NPSR1: variants seen among roughly 807,000 people sequenced by gnomAD.
NPSR1 encodes neuropeptide S receptor 1.
Under a neutral mutation model 46.9 loss-of-function variants are expected in NPSR1, and 48 were observed. The observed-to-expected ratio is 1.02, with a 90% CI of 0.81 to 1.30. NPSR1 has a LOEUF of 1.30. Among genes scored for constraint, NPSR1 ranks in the 50% most tolerant of loss-of-function variants. NPSR1 has a pLI of 0.00. For missense variants in NPSR1, 450 were observed against 449.5 expected (o/e 1.00, Z -0.01); for synonymous variants, 176 against 168.1 (o/e 1.05, Z -0.36).
chr7:34,750,891 A>C, intron 2 of NPSR1: 2 of 714,228 alleles, frequency 2.8e-6, no homozygotes, highest in Non-Finnish European at 5.3e-6. Flanking sequence ...CTGCTTCATA[A>C]TGGTGTGAAA....
At chr7:34,812,264 T>C (rs1359323155) in intron 4 of NPSR1, among the ~76,000 whole-genome samples, 4 of 152,190 alleles carry the variant, frequency 2.6e-5, no homozygotes, top group Non-Finnish European at 5.9e-5. Flanking sequence ...AAACACCTTG[T>C]TCTCCTTATC....
At chr7:34,814,539 T>C (rs1159888046) in intron 4 of NPSR1, among the ~76,000 whole-genome samples, 1 of 152,320 alleles carries the variant, frequency 6.6e-6, no homozygotes, top group Non-Finnish European at 1.5e-5. Flanking sequence ...AAGAGCACAG[T>C]GGTTCTTCCA....
At chr7:34,778,866 T>C (rs1187190550) in intron 3 of NPSR1, among the ~76,000 whole-genome samples, 3 of 152,102 alleles carry the variant, frequency 2.0e-5, no homozygotes. Context: ...TTGTGGATAA[T>C]CTCCAAAAAG....
At chr7:34,790,531 CAAGAAAAA>C (rs1419368489) in intron 3 of NPSR1, among the ~76,000 whole-genome samples, 3 of 147,792 alleles carry the variant, frequency 2.0e-5, no homozygotes, top group African/African-American at 7.5e-5. Flanking sequence ...AGAAGTAAGG[CAAGAAAAA>C]AAGAAAAGAA....
intron 2 of NPSR1, among the ~76,000 whole-genome samples, chr7:34,776,742 G>C (rs886410763): frequency 3.9e-5 from 6 of 152,140 alleles, no homozygotes; most frequent in African/African-American, 1.4e-4. Flanking sequence ...ATTGCTGCTG[G>C]TTATTCTGAG....
chr7:34,751,361 G>A (rs1583944977), intron 2 of NPSR1: 3 of 1,033,964 alleles, frequency 2.9e-6, no homozygotes, highest in East Asian at 4.8e-5. Flanking sequence ...GCTGCAGAGA[G>A]GTCTGGGTTG....
At chr7:34,767,736 A>C (rs560912008) in intron 2 of NPSR1, among the ~76,000 whole-genome samples, 1 of 152,304 alleles carries the variant, frequency 6.6e-6, no homozygotes, top group South Asian at 2.1e-4. Flanking sequence ...AAAAATAATG[A>C]AAGCATCAAA....
intron 2 of NPSR1, among the ~76,000 whole-genome samples, chr7:34,720,250 C>T (rs560688291): frequency 1.1e-4 from 17 of 150,120 alleles, no homozygotes; most frequent in South Asian, 1.1e-3. Flanking sequence ...ACTACACTCC[C>T]GCCTGGGCAA....
At chr7:34,838,853 T>A (rs1790471362) in intron 6 of NPSR1, among the ~76,000 whole-genome samples, 2 of 152,366 alleles carry the variant, frequency 1.3e-5, no homozygotes, top group South Asian at 4.1e-4. Flanking sequence ...CAGGAGGATT[T>A]ACTTGTACAA....
chr7:34,694,130 G>C (rs950574608), intron 2 of NPSR1, among the ~76,000 whole-genome samples: 1 of 152,024 alleles, frequency 6.6e-6, no homozygotes, highest in Non-Finnish European at 1.5e-5. Flanking sequence ...ATTCAACATA[G>C]CACTGAAAGT....
chr7:34,663,089 G>GTGTT (rs1583756658), intron 1 of NPSR1, among the ~76,000 whole-genome samples: 1 of 100,130 alleles, frequency 1.0e-5, no homozygotes, highest in African/African-American at 4.4e-5. Context: ...GTGTATGTGT[G>GTGTT]TGTGGCGGGG....
chr7:34,774,157 C>T (rs1339916051), intron 2 of NPSR1, among the ~76,000 whole-genome samples: 1 of 152,212 alleles, frequency 6.6e-6, no homozygotes, highest in Non-Finnish European at 1.5e-5. Context: ...TCTTCCAAGG[C>T]TACCCCATAA....
intron 2 of NPSR1, among the ~76,000 whole-genome samples, chr7:34,722,152 C>T (rs1245884318): frequency 6.6e-6 from 1 of 151,886 alleles, no homozygotes; most frequent in African/African-American, 2.4e-5. Flanking sequence ...ATAATAGTTT[C>T]TAAATGAGGG....
intron 3 of NPSR1, among the ~76,000 whole-genome samples, chr7:34,801,857 T>C (rs1196248213): frequency 6.7e-6 from 1 of 149,698 alleles, no homozygotes; most frequent in Non-Finnish European, 1.5e-5. Context: ...GATAGGCAAC[T>C]TCAGCAAAGT....
intron 3 of NPSR1, among the ~76,000 whole-genome samples, chr7:34,782,598 T>C (rs1787278184): frequency 6.6e-6 from 1 of 152,172 alleles, no homozygotes; most frequent in Non-Finnish European, 1.5e-5. Context: ...CTTTCCATAG[T>C]GAACTAGTTC....
chr7:34,805,384 A>T (rs1429041382), intron 3 of NPSR1, among the ~76,000 whole-genome samples: 1 of 150,810 alleles, frequency 6.6e-6, no homozygotes, highest in Admixed American at 6.6e-5. Context: ...ACAAAAAGAT[A>T]GTCAACTAGT....
chr7:34,716,627 T>C (rs324376), intron 2 of NPSR1, among the ~76,000 whole-genome samples: 73,314 of 152,002 alleles, frequency 0.48, 18,545 homozygotes, highest in African/African-American at 0.63. Context: ...ATGTCTGATA[T>C]GTGAGTCCTC....
intron 2 of NPSR1, among the ~76,000 whole-genome samples, chr7:34,721,596 G>T (rs1471573367): frequency 1.3e-5 from 2 of 152,232 alleles, no homozygotes; most frequent in South Asian, 2.1e-4. Flanking sequence ...AAAGAAAAAG[G>T]CCCCAAAGTT....
At chr7:34,759,103 G>T (rs988446284) in intron 2 of NPSR1, among the ~76,000 whole-genome samples, 1 of 152,060 alleles carries the variant, frequency 6.6e-6, no homozygotes, top group African/African-American at 2.4e-5. Context: ...ATATCAATTT[G>T]TCCCATTACT....
Sources: allele counts gnomAD v4.1 joint callset (sites outside exome capture counted in the v4.1 genomes callset), GRCh38; gene constraint gnomAD v4.1.1; transcripts MANE v1.5; gene names NCBI Gene and HGNC (gene_info 2026-07-23, HGNC 2026-07-21).